The following STK25 variants were observed in gnomAD, a reference collection of about 807,000 sequenced individuals.
STK25 encodes serine/threonine kinase 25.
In STK25, 29 loss-of-function variants were observed where a neutral mutation model predicts 53.8. The ratio of observed to expected loss-of-function variants is 0.54; its 90% confidence interval spans 0.40 to 0.74. The LOEUF is 0.74. STK25 is among the 30% of genes least tolerant of loss of function. STK25 has a pLI of 0.00. For synonymous variants in STK25, 247 were observed against 238.3 expected (o/e 1.04, Z -0.33); for missense variants, 420 against 568.0 (o/e 0.74, Z 2.65).
chr2:241,499,671 C>T (rs185423648), intron 5 of STK25: 1 of 568,798 alleles, frequency 1.8e-6, no homozygotes, highest in East Asian at 3.0e-5. Context: ...ATCCCAACGA[C>T]AAGCGACTTC....
chr2:241,500,458 A>G (rs2065439178), intron 4 of STK25, among the ~76,000 whole-genome samples, 177 bp from the exon 5 acceptor site: 1 of 152,056 alleles, frequency 6.6e-6, no homozygotes, highest in Non-Finnish European at 1.5e-5. Context: ...GGCTCTTTCT[A>G]AAGCATATAA....
chr2:241,499,987 A>G, intron 5 of STK25, 186 bp downstream of exon 5: 1 of 689,802 alleles, frequency 1.4e-6, no homozygotes, highest in Middle Eastern at 2.3e-4. Context: ...CGTACAAGGA[A>G]ACCGTTACAA....
chr2:241,499,338 C>A lies in STK25; in HGVS notation c.504G>T (p.Thr168=). The change falls in exon 6 of 12, where the codon ACG becomes ACT. Residue 168 remains threonine, a synonymous_variant. Transcript: ENST00000316586. ...CCACGAATGTGTTCCTCTTAATCTG[C>A]GTGTCTGTGAGCTGCCCTGCTACCC... ...DFGVAGQLTD[T]QIKRNTFVGT... 2 of 1,614,028 alleles carry A rather than the reference C, an allele frequency of 1.2e-6. No homozygotes were observed. The highest frequency in any genetic ancestry group is 1.7e-6 in the Non-Finnish European group (2 of 1,179,988).
intron 11 of STK25, among the ~76,000 whole-genome samples, 182 bp from the exon 12 acceptor site, chr2:241,495,883 A>AGCT (rs1182722857): frequency 6.6e-6 from 1 of 152,184 alleles, no homozygotes; most frequent in Non-Finnish European, 1.5e-5. Flanking sequence ...CCACCCCCAG[A>AGCT]GCTGCTGCCC....
At chr2:241,504,948 A>C (rs1317808441) in intron 2 of STK25, among the ~76,000 whole-genome samples, 3 of 144,234 alleles carry the variant, frequency 2.1e-5, no homozygotes, top group Admixed American at 1.4e-4. Flanking sequence ...ATAGAGTCTC[A>C]CTCTGTTGCC....
chr2:241,508,718 A>AGGG (rs145184872), upstream of STK25: 7 of 984,730 alleles, frequency 7.1e-6, no homozygotes, highest in African/African-American at 1.1e-4. Flanking sequence ...GCTGCGCGAG[A>AGGG]GGGGGCCGGG....
intron 2 of STK25, among the ~76,000 whole-genome samples, chr2:241,507,258 A>G (rs1349766153): frequency 6.6e-6 from 1 of 151,812 alleles, no homozygotes; most frequent in Non-Finnish European, 1.5e-5. Context: ...GGCTGACCCC[A>G]CCCTCCTTCC....
chr2:241,500,146 A>G, intron 5 of STK25, 27 bp downstream of exon 5: 2 of 1,589,478 alleles, frequency 1.3e-6, no homozygotes, highest in African/African-American at 1.3e-5. Flanking sequence ...AGGACGTTAC[A>G]AGAGCCACAT....
In STK25 at chr2:241,501,427, A is replaced by C; in HGVS notation, c.261+51T>G. On this transcript the variant is annotated intron_variant, in intron 3 of 11. Coordinates refer to ENST00000316586, the MANE Select transcript of STK25 (RefSeq NM_001271977.2). The surrounding 1 kb of genome is among the most constrained non-coding windows in gnomAD (Gnocchi z 5.3). ...TGTCACTCAGTCCCTCTGACATGGA[A>C]GAGAGCCGGGCACAGCACCAGCAGG... The C allele has an allele frequency of 6.4e-7, 1 of 1,563,502 alleles. No homozygotes were observed. Among genetic ancestry groups the C allele is most frequent in the Non-Finnish European group, 8.8e-7 (1 of 1,141,322 alleles).
chr2:241,493,270 CG>C lies in STK25; in HGVS notation c.*2391del. The C allele has an allele frequency of 6.2e-7, 1 of 1,610,560 alleles. No individual in the cohort carries two copies. Among genetic ancestry groups the C allele is most frequent in the Non-Finnish European group, 8.5e-7 (1 of 1,177,850 alleles). ...CTGTGGCAACCCAGCCCCTGGAACC[CG>C]TGTCCCTATGCTGTCTTGCAGGATG... On this transcript the variant is annotated 3_prime_UTR_variant, in exon 12 of 12. Coordinates refer to ENST00000316586, the MANE Select transcript of STK25 (RefSeq NM_001271977.2).
chr2:241,498,787 G>A lies in STK25; in HGVS notation c.772-3C>T. 1 of 1,613,746 alleles carries A rather than the reference G, an allele frequency of 6.2e-7. No homozygotes were observed. The highest frequency in any genetic ancestry group is 8.5e-7 in the Non-Finnish European group (1 of 1,179,788). On this transcript the variant is annotated splice_region_variant and splice_polypyrimidine_tract_variant and intron_variant, in intron 7 of 11. Transcript: ENST00000316586. The stretch of plus-strand genomic sequence containing the variant: ...AGGAGCTCCTTGGCCGTGGGCCGCT[G>A]CAGGGGGTCAGGGGAACACTAGTCA...
chr2:241,496,619 G>A lies in STK25; in HGVS notation c.1105-85C>T, dbSNP rs750979725. 3.2e-5 allele frequency: 48 copies of A among 1,497,782 alleles called. No homozygotes were observed. Among genetic ancestry groups the A allele is most frequent in the South Asian group, 2.5e-4 (20 of 81,256 alleles). 92.8% of individuals were successfully genotyped at this position (1,497,782 alleles called of 1,614,324 possible). ...TCCTTTGCTCGGCCACAGTGATGCC[G>A]GAGGCCTTCAGGGCTCTCGCCTAGG... On this transcript the variant is annotated intron_variant, in intron 10 of 11. Transcript: ENST00000316586. This position sits in a 1 kb window ranked among gnomAD's most constrained non-coding sequence, Gnocchi z 5.8.
upstream of STK25, among the ~76,000 whole-genome samples, chr2:241,509,062 G>T (rs2066024572): frequency 6.6e-6 from 1 of 152,260 alleles, no homozygotes; most frequent in African/African-American, 2.4e-5. Context: ...TCACGGCACG[G>T]AGATAAGCCC....
At chr2:241,505,042 G>A (rs773715478) in intron 2 of STK25, among the ~76,000 whole-genome samples, 11 of 151,530 alleles carry the variant, frequency 7.3e-5, no homozygotes, top group Admixed American at 5.3e-4. Flanking sequence ...TCAGCCTCCC[G>A]AGTAGCCGGA....
chr2:241,492,947 C>G lies in STK25; in HGVS notation c.*2715G>C, dbSNP rs908902255. 1 of 1,609,368 alleles carries G rather than the reference C, an allele frequency of 6.2e-7. No individual in the cohort carries two copies. The highest frequency in any genetic ancestry group is 1.3e-5 in the African/African-American group (1 of 74,956). The stretch of plus-strand genomic sequence containing the variant: ...TTGACAGAACCAGCTTTCAGGATAT[C>G]TGCTAAGAAAGTTCAAAAACAGTCA... On this transcript the variant is annotated 3_prime_UTR_variant, in exon 12 of 12. Transcript: ENST00000316586.
chr2:241,496,424 C>G lies in STK25; in HGVS notation c.1215G>C (p.Met405Ile). Reference protein sequence around the residue: ...ESCPGISDKLMVHLVERVQRF... With the variant: ...ESCPGISDKLIVHLVERVQRF... Reference sequence around the variant, plus strand: ...TCTGCACTCGCTCCACCAGGTGCACCATCAGCTTGTCTGAGATGCCGGGGC... The same window carrying G: ...TCTGCACTCGCTCCACCAGGTGCACGATCAGCTTGTCTGAGATGCCGGGGC... The change falls in exon 11 of 12, where the codon ATG becomes ATC. Residue 405 changes from methionine to isoleucine, a missense_variant. Coordinates refer to ENST00000316586, the MANE Select transcript of STK25 (RefSeq NM_001271977.2). The surrounding 1 kb of genome is among the most constrained non-coding windows in gnomAD (Gnocchi z 5.8). The G allele has an allele frequency of 1.2e-6, 2 of 1,613,682 alleles. No individual in the cohort carries two copies. Among genetic ancestry groups the G allele is most frequent in the Non-Finnish European group, 8.5e-7 (1 of 1,179,954 alleles).
chr2:241,508,134 C>A lies in STK25; in HGVS notation c.-99G>T. 1.3e-6 allele frequency: 2 copies of A among 1,514,876 alleles called. No individual in the cohort carries two copies. The highest frequency in any genetic ancestry group is 8.8e-7 in the Non-Finnish European group (1 of 1,132,888). The allele number at this position is 1,514,876 out of a possible 1,614,324, so 93.8% of individuals were successfully genotyped here. ...CTAGCTCGCCCCTGCGGCGTCAGTC[C>A]ACTGCGAGGGACACCAGGGGCGCTC... On this transcript the variant is annotated splice_region_variant and 5_prime_UTR_variant, in exon 2 of 12. Transcript: ENST00000316586.
intron 4 of STK25, 107 bp from the exon 5 acceptor site, chr2:241,500,388 G>C (rs1488910871): frequency 2.9e-5 from 22 of 758,636 alleles, no homozygotes; most frequent in Middle Eastern, 3.7e-4. Context: ...ATAGCTGGGG[G>C]CTTCGTGTTC....
intron 2 of STK25, among the ~76,000 whole-genome samples, chr2:241,507,534 T>C (rs541085530): frequency 3.8e-4 from 58 of 152,334 alleles, no homozygotes; most frequent in African/African-American, 1.4e-3. Flanking sequence ...CACTCAGATC[T>C]GCTTCTCCAC....
Sources: gnomAD v4.1 joint callset for allele counts (sites outside exome capture counted in the v4.1 genomes callset) on GRCh38, gnomAD v4.1.1 for gene constraint, Gnocchi (gnomAD v3.1) non-coding constraint, MANE v1.5 for transcripts, NCBI Gene and HGNC (gene_info 2026-07-23, HGNC 2026-07-21) for gene names.